AFAP1: variants seen among roughly 807,000 people sequenced by gnomAD.
The protein encoded by AFAP1 is actin filament associated protein 1, also known as actin filament-associated protein 1.
A neutral mutation model predicts 93.9 loss-of-function variants in AFAP1; 75 were observed. The observed-to-expected ratio is 0.80, with a 90% CI of 0.66 to 0.97. The LOEUF (loss-of-function observed/expected upper bound fraction) is 0.97. AFAP1 is among the 50% of genes least tolerant of loss of function. The pLI is 0.00. For missense variants in AFAP1, 1,201 were observed against 1,050.8 expected, an observed-to-expected ratio of 1.14 and a Z score of -1.98; for synonymous variants, 517 against 430.7, an observed-to-expected ratio of 1.20 and a Z score of -2.48.
chr4:7,802,312 C>T (rs1473102354), intron 9 of AFAP1, among the ~76,000 whole-genome samples: 1 of 152,188 alleles, frequency 6.6e-6, no homozygotes, highest in African/African-American at 2.4e-5. Context: ...GTGCCGTGGC[C>T]GCCCTCTTGT....
At chr4:7,849,217 C>T (rs1714155986) in intron 4 of AFAP1, among the ~76,000 whole-genome samples, 1 of 152,146 alleles carries the variant, frequency 6.6e-6, no homozygotes, top group African/African-American at 2.4e-5. Context: ...GGTTTCTGAC[C>T]TCACTTTTCA....
chr4:7,874,244 C>T (rs924273401), intron 1 of AFAP1, among the ~76,000 whole-genome samples: 3 of 152,056 alleles, frequency 2.0e-5, no homozygotes, highest in African/African-American at 4.8e-5. Context: ...GTTAGGAAAC[C>T]GCCACTTGTC....
At chr4:7,867,090 G>A (rs1301405405) in intron 3 of AFAP1, among the ~76,000 whole-genome samples, 3 of 100,768 alleles carry the variant, frequency 3.0e-5, no homozygotes, top group East Asian at 2.9e-4. Flanking sequence ...GGGGAGGAGA[G>A]GGGAGGAGAG....
intron 9 of AFAP1, 160 bp downstream of exon 9, chr4:7,809,454 T>C: frequency 1.2e-6 from 1 of 813,816 alleles, no homozygotes; most frequent in South Asian, 3.3e-5. Flanking sequence ...GGCAAAAATG[T>C]AAACATTTAA....
rs1713697188 is a variant in AFAP1, at chr4:7,760,953, T to C, written c.*2812A>G. On this transcript the variant is annotated 3_prime_UTR_variant, in exon 18 of 18. Coordinates refer to ENST00000420658, the MANE Select transcript of AFAP1 (RefSeq NM_001134647.2). ...AGTGACATTGCGAAGAAATCCGGCT[T>C]CTCCGGGGACCCTGGCCTGCCTGTC... 6.6e-6 allele frequency: 1 copy of C among 152,234 alleles called. No homozygotes were observed. Among genetic ancestry groups the C allele is most frequent in the Non-Finnish European group, 1.5e-5 (1 of 68,058 alleles). The allele number at this position is 152,234 out of a possible 1,614,324, so 9.4% of individuals were successfully genotyped here.
intron 14 of AFAP1, 36 bp downstream of exon 14, chr4:7,778,726 G>T (rs770027481): frequency 6.3e-7 from 1 of 1,596,678 alleles, no homozygotes; most frequent in Admixed American, 1.7e-5. Flanking sequence ...AAGTGCACTT[G>T]AAGCCGGAAT....
intron 1 of AFAP1, among the ~76,000 whole-genome samples, chr4:7,905,500 C>G (rs920425135): frequency 9.2e-5 from 14 of 152,258 alleles, no homozygotes; most frequent in African/African-American, 3.4e-4. Flanking sequence ...TCTGGGCGCA[C>G]AGCTGCTTTT....
intron 6 of AFAP1, among the ~76,000 whole-genome samples, chr4:7,837,308 T>G (rs891764010): frequency 6.6e-6 from 1 of 152,154 alleles, no homozygotes; most frequent in Non-Finnish European, 1.5e-5. Context: ...GATGGTGTTA[T>G]GACGCAGAAC....
chr4:7,776,776 G>A (rs1296324252), intron 14 of AFAP1: 1 of 152,210 alleles, frequency 6.6e-6, no homozygotes, highest in African/African-American at 2.4e-5. Flanking sequence ...GCTGTTTGCA[G>A]CTAAGGTTAA....
rs114525299 is a variant in AFAP1, at chr4:7,857,740, C to T, written c.226-2166G>A. On this transcript the variant is annotated intron_variant, in intron 3 of 17. Transcript: ENST00000420658. ...GCAGGGTATTCCAAATTCCTTTTAG[C>T]ATGGTCAAACAAACTATTCATGTCC... Among the ~76,000 whole-genome samples the T allele has an allele frequency of 5.8e-3, 887 of 152,310 alleles. 7 individuals carry two copies. The highest frequency in any genetic ancestry group is 0.019 in the African/African-American group (779 of 41,566).
intron 6 of AFAP1, among the ~76,000 whole-genome samples, chr4:7,834,406 A>G (rs1426097459): frequency 6.6e-6 from 1 of 152,254 alleles, no homozygotes; most frequent in East Asian, 1.9e-4. Context: ...AACTGGGTGC[A>G]GTGTATACTG....
intron 1 of AFAP1, among the ~76,000 whole-genome samples, chr4:7,922,465 A>G (rs566013979): frequency 6.6e-6 from 1 of 152,336 alleles, no homozygotes; most frequent in South Asian, 2.1e-4. Flanking sequence ...TGTGGAGATG[A>G]TGTCCCAGAT....
chr4:7,901,732 G>T (rs1719128082), intron 1 of AFAP1, among the ~76,000 whole-genome samples: 1 of 152,212 alleles, frequency 6.6e-6, no homozygotes, highest in African/African-American at 2.4e-5. Context: ...GGCTGAACTG[G>T]ATGCATGAGA....
chr4:7,823,023 T>C (rs1721110897), intron 6 of AFAP1, among the ~76,000 whole-genome samples: 1 of 151,944 alleles, frequency 6.6e-6, no homozygotes, highest in Non-Finnish European at 1.5e-5. Context: ...TGTGCTTTTT[T>C]TTATATAGCT....
intron 1 of AFAP1, among the ~76,000 whole-genome samples, chr4:7,902,095 T>A (rs1490025396): frequency 6.6e-6 from 1 of 152,242 alleles, no homozygotes; most frequent in Non-Finnish European, 1.5e-5. Flanking sequence ...TAACCTGCCA[T>A]GATTTCTAAC....
At chr4:7,832,808 A>AAAATAGGC (rs1417891915) in intron 6 of AFAP1, among the ~76,000 whole-genome samples, 5 of 152,232 alleles carry the variant, frequency 3.3e-5, no homozygotes, top group African/African-American at 1.2e-4. Context: ...TACTGGTATA[A>AAAATAGGC]AAATAGGCAA....
chr4:7,841,449 C>T (rs565078470), intron 5 of AFAP1, among the ~76,000 whole-genome samples: 1 of 152,306 alleles, frequency 6.6e-6, no homozygotes, highest in Admixed American at 6.5e-5. Flanking sequence ...CTAGGTACAT[C>T]ACAGTACCCA....
intron 10 of AFAP1, among the ~76,000 whole-genome samples, chr4:7,795,494 C>T (rs1437655641): frequency 7.8e-6 from 1 of 127,486 alleles, no homozygotes; most frequent in African/African-American, 3.2e-5. Flanking sequence ...GGTGTGATCT[C>T]GGCTCACTGC....
chr4:7,843,482 GA>G, intron 4 of AFAP1, 132 bp from the exon 5 acceptor site: 1 of 862,014 alleles, frequency 1.2e-6, no homozygotes, highest in Non-Finnish European at 1.7e-6. Context: ...CTCCTTAAGG[GA>G]AAAAACAAAA....
Sources: gnomAD v4.1 joint callset for allele counts (sites outside exome capture counted in the v4.1 genomes callset) on GRCh38, gnomAD v4.1.1 for gene constraint, MANE v1.5 for transcripts, NCBI Gene and HGNC (gene_info 2026-07-23, HGNC 2026-07-21) for gene names.